The following ECM1 variants were observed in gnomAD, a reference collection of about 807,000 sequenced individuals.
The protein encoded by ECM1 is secretory component p85.
Under a neutral mutation model 57.9 loss-of-function variants are expected in ECM1, and 54 were observed. That is an observed-to-expected ratio of 0.93 (90% CI 0.75 to 1.17). ECM1 has a LOEUF of 1.17. Among genes scored for constraint, ECM1 ranks in the 50% most tolerant of loss-of-function variants. ECM1 has a pLI of 0.00. For missense variants in ECM1, 649 were observed against 688.1 expected (o/e 0.94, Z 0.64); for synonymous variants, 237 against 259.1 (o/e 0.91, Z 0.82).
chr1:150,509,262 C>T lies in ECM1; in HGVS notation c.71-269C>T, dbSNP rs11205386. The T allele has an allele frequency of 0.097, 53,743 of 553,420 alleles. 3,077 individuals are homozygous for T. The highest frequency in any genetic ancestry group is 0.12 in the Non-Finnish European group (35,608 of 305,888). The allele number at this position is 553,420 out of a possible 1,614,324, so 34.3% of individuals were successfully genotyped here. On this transcript the variant is annotated intron_variant, in intron 1 of 9. Transcript: ENST00000369047. ...AAATGAGGGCCTCCCTCCCCAATCC[C>T]GTATGCCATACTCCCTTTAGGCCCA...
Position 150,509,741 on chromosome 1 carries a change from C to A in ECM1, c.202C>A (p.Pro68Thr). Residue 68 changes from proline (P) to threonine (T), a missense_variant, in exon 3 of 10, where the codon CCC becomes ACC. Coordinates refer to ENST00000369047, the MANE Select transcript of ECM1 (RefSeq NM_004425.4). The part of the protein sequence containing the change: ...DHPDSSQHGP[P>T]FEGQSQVQPP... ...CCCTGACTCCTCTCAGCATGGCCCTCCCTTTGAGGGACAGAGTCAAGGTAA... is the reference window on the plus strand; with the variant it reads ...CCCTGACTCCTCTCAGCATGGCCCTACCTTTGAGGGACAGAGTCAAGGTAA... The A allele has an allele frequency of 6.2e-7, 1 of 1,612,926 alleles. No homozygotes were observed. Among genetic ancestry groups the A allele is most frequent in the Non-Finnish European group, 8.5e-7 (1 of 1,179,424 alleles).
chr1:150,508,857 G>A (rs1670350406), intron 1 of ECM1, among the ~76,000 whole-genome samples: 1 of 152,190 alleles, frequency 6.6e-6, no homozygotes, highest in Non-Finnish European at 1.5e-5. Flanking sequence ...GGAAGCTGCT[G>A]AGGATGTCAG....
At position 150,512,411 on chromosome 1, in the gene ECM1, C is replaced by G; in HGVS notation, c.1143C>G (p.His381Gln). 6.2e-7 allele frequency: 1 copy of G among 1,613,620 alleles called. No homozygotes were observed. The highest frequency in any genetic ancestry group is 8.5e-7 in the Non-Finnish European group (1 of 1,179,960). ...DREYAVKTHH[H>Q]LCCRHPPSPT... ...AGTATGCTGTGAAGACCCACCACCA[C>G]TTGTGTTGCCGCCACCCTCCCAGCC... Residue 381 changes from histidine to glutamine, a missense_variant, in exon 8 of 10, where the codon CAC becomes CAG. Physicochemically the swap from His to Gln is conservative, Grantham distance 24 (BLOSUM62 0). Coordinates refer to ENST00000369047, the MANE Select transcript of ECM1 (RefSeq NM_004425.4).
chr1:150,510,011 T>C lies in ECM1; in HGVS notation c.304+9T>C. 6.2e-7 allele frequency: 1 copy of C among 1,614,088 alleles called. No individual in the cohort carries two copies. Among genetic ancestry groups the C allele is most frequent in the Non-Finnish European group, 8.5e-7 (1 of 1,179,980 alleles). On this transcript the variant is annotated intron_variant, in intron 4 of 9. Coordinates refer to ENST00000369047, the MANE Select transcript of ECM1 (RefSeq NM_004425.4). ...CCCTGCTGAAAAGGAAGGTGAGCGC[T>C]TGCCCACCCTCCCTCACCTCTATCC...
intron 3 of ECM1, 75 bp from the exon 4 acceptor site, chr1:150,509,847 G>A (rs779659082): frequency 2.5e-6 from 4 of 1,613,696 alleles, no homozygotes; most frequent in Admixed American, 1.7e-5. Flanking sequence ...GGAAAGGAGG[G>A]AAGAGGCCCT....
chr1:150,510,485 C>T, intron 5 of ECM1: 1 of 563,690 alleles, frequency 1.8e-6, no homozygotes, highest in Non-Finnish European at 3.2e-6. Context: ...CCCAACATGG[C>T]TTTTGCTTAC....
Position 150,513,527 on chromosome 1 carries a change from A to G in ECM1, c.*60A>G, listed in dbSNP as rs1164829939. On this transcript the variant is annotated 3_prime_UTR_variant, in exon 10 of 10. Coordinates refer to ENST00000369047, the MANE Select transcript of ECM1 (RefSeq NM_004425.4). ...AACCCCACCCTGCCCCACCCATCTG[A>G]ACACTCATTACACTAAACACCTCTT... is the stretch of plus-strand genomic sequence containing the variant. The G allele has an allele frequency of 6.2e-6, 9 of 1,444,922 alleles. No homozygotes were observed. The highest frequency in any genetic ancestry group is 8.5e-6 in the Non-Finnish European group (9 of 1,055,106). 89.5% of individuals were successfully genotyped at this position (1,444,922 alleles called of 1,614,324 possible).
chr1:150,510,923 T>A lies in ECM1; in HGVS notation c.433T>A (p.Trp145Arg). ...CCAGAGCCATCCAGAACCTGAGTCCTGGAATGCAGCCCAGCACTGCCAACA... is the reference window on the plus strand; with the variant it reads ...CCAGAGCCATCCAGAACCTGAGTCCAGGAATGCAGCCCAGCACTGCCAACA... ...GDQSHPEPESWNAAQHCQQDR... is the reference protein window; with the variant it reads ...GDQSHPEPESRNAAQHCQQDR... Residue 145 changes from tryptophan (W) to arginine (R), a missense_variant, in exon 6 of 10, where the codon TGG becomes AGG. Physicochemically the swap from Trp to Arg is moderately radical, Grantham distance 101. Coordinates refer to ENST00000369047, the MANE Select transcript of ECM1 (RefSeq NM_004425.4). The A allele has an allele frequency of 4.3e-6, 7 of 1,614,174 alleles. No homozygotes were observed. The highest frequency in any genetic ancestry group is 5.9e-6 in the Non-Finnish European group (7 of 1,180,036).
chr1:150,512,348 A>G lies in ECM1; in HGVS notation c.1084-4A>G. The G allele has an allele frequency of 6.2e-7, 1 of 1,612,798 alleles. No homozygotes were observed. The highest frequency in any genetic ancestry group is 2.2e-5 in the East Asian group (1 of 44,828). Reference sequence around the variant, plus strand: ...CTTCTGACTTCCCTCTCTCTGGTCCACAGTGGGAGGATACCCTTGACAAAT... The same window carrying G: ...CTTCTGACTTCCCTCTCTCTGGTCCGCAGTGGGAGGATACCCTTGACAAAT... On this transcript the variant is annotated splice_region_variant and splice_polypyrimidine_tract_variant and intron_variant, in intron 7 of 9. Transcript: ENST00000369047.
rs1219767462 is a variant in ECM1, at chr1:150,511,478, T to C, written c.730T>C (p.Phe244Leu). The C allele has an allele frequency of 2.5e-6, 4 of 1,613,970 alleles. No homozygotes were observed. Among genetic ancestry groups the C allele is most frequent in the Non-Finnish European group, 2.5e-6 (3 of 1,179,996 alleles). Residue 244 changes from phenylalanine to leucine, a missense_variant, in exon 7 of 10, where the codon TTC becomes CTC. By Grantham distance (22) the Phe-to-Leu change is conservative (BLOSUM62 0). Coordinates refer to ENST00000369047, the MANE Select transcript of ECM1 (RefSeq NM_004425.4). ...KLVWEEAMSRFCEAEFSVKTR... is the reference protein window; with the variant it reads ...KLVWEEAMSRLCEAEFSVKTR... ...CTAGTGGGAGGAAGCAATGAGCCGA[T>C]TCTGTGAGGCCGAGTTCTCGGTCAA...
At position 150,513,519 on chromosome 1, in the gene ECM1, C is replaced by T; in HGVS notation, c.*52C>T. ...ATGGGGGGAACCCCACCCTGCCCCA[C>T]CCATCTGAACACTCATTACACTAAA... On this transcript the variant is annotated 3_prime_UTR_variant, in exon 10 of 10. Coordinates refer to ENST00000369047, the MANE Select transcript of ECM1 (RefSeq NM_004425.4). 1 of 1,506,656 alleles carries T rather than the reference C, an allele frequency of 6.6e-7. No individual in the cohort carries two copies. Among genetic ancestry groups the T allele is most frequent in the Non-Finnish European group, 9.1e-7 (1 of 1,100,412 alleles). The allele number at this position is 1,506,656 out of a possible 1,614,324, so 93.3% of individuals were successfully genotyped here. A position where few individuals can be genotyped will look rare whatever the true frequency, so the allele number is the denominator to read the frequency against.
rs774033903 is a variant in ECM1 at position 150,509,733 on chromosome 1, A to G, written c.194A>G (p.His65Arg). ...LPMDHPDSSQ[H>R]GPPFEGQSQV... Reference sequence around the variant, plus strand: ...ATGGATCACCCTGACTCCTCTCAGCATGGCCCTCCCTTTGAGGGACAGAGT... The same window carrying G: ...ATGGATCACCCTGACTCCTCTCAGCGTGGCCCTCCCTTTGAGGGACAGAGT... Residue 65 changes from histidine to arginine, a missense_variant, in exon 3 of 10, where the codon CAT (histidine) becomes CGT (arginine). Coordinates refer to ENST00000369047, the MANE Select transcript of ECM1 (RefSeq NM_004425.4). The G allele has an allele frequency of 1.3e-6, 2 of 1,593,354 alleles. No homozygotes were observed. Among genetic ancestry groups the G allele is most frequent in the Non-Finnish European group, 1.7e-6 (2 of 1,170,040 alleles).
intron 1 of ECM1, 151 bp from the exon 2 acceptor site, chr1:150,509,380 G>A (rs923369290): frequency 1.2e-6 from 1 of 808,560 alleles, no homozygotes; most frequent in African/African-American, 1.7e-5. Context: ...GCTGGGAGAG[G>A]ATTAGGGGAC....
intron 5 of ECM1, chr1:150,510,399 A>G: frequency 3.3e-6 from 2 of 610,918 alleles, no homozygotes; most frequent in South Asian, 4.0e-5. Flanking sequence ...AATAGCATCT[A>G]TTTTCACTTG....
Position 150,509,598 on chromosome 1 carries a change from G to A in ECM1, c.121+17G>A, listed in dbSNP as rs1161904755. ...TTCAAGAAGGTAAGAGTTTGGGGGA[G>A]CAGCATGGGATTGGGACTCCAGGAG... On this transcript the variant is annotated intron_variant, in intron 2 of 9. Coordinates refer to ENST00000369047, the MANE Select transcript of ECM1 (RefSeq NM_004425.4). 2 of 1,614,092 alleles carry A rather than the reference G, an allele frequency of 1.2e-6. No individual in the cohort carries two copies. Among genetic ancestry groups the A allele is most frequent in the East Asian group, 2.2e-5 (1 of 44,878 alleles).
Position 150,510,170 on chromosome 1 carries a change from G to A in ECM1, c.373G>A (p.Glu125Lys). 2.5e-6 allele frequency: 4 copies of A among 1,613,982 alleles called. No homozygotes were observed. Among genetic ancestry groups the A allele is most frequent in the Non-Finnish European group, 3.4e-6 (4 of 1,179,924 alleles). Residue 125 changes from glutamate to lysine, a missense_variant, in exon 5 of 10, where the codon GAA becomes AAA. By Grantham distance (56) the Glu-to-Lys change is moderately conservative. Transcript: ENST00000369047. Reference protein sequence around the residue: ...KELPSLQHPNEQKEGTPAPFG... With the variant: ...KELPSLQHPNKQKEGTPAPFG... Reference sequence around the variant, plus strand: ...GCTGCCCTCTCTCCAGCACCCCAATGAACAGAAGGAAGGTAAGCAGCTCCC... The same window carrying A: ...GCTGCCCTCTCTCCAGCACCCCAATAAACAGAAGGAAGGTAAGCAGCTCCC...
chr1:150,510,315 C>T, intron 5 of ECM1, 133 bp downstream of exon 5: 1 of 827,308 alleles, frequency 1.2e-6, no homozygotes, highest in Non-Finnish European at 2.0e-6. Context: ...ACATACTTCT[C>T]CAAGCCTTTG....
chr1:150,512,207 TA>T, intron 7 of ECM1, 144 bp from the exon 8 acceptor site: 1 of 914,368 alleles, frequency 1.1e-6, no homozygotes. Flanking sequence ...AGTTGCCTCC[TA>T]ACCCTCTACT....
At chr1:150,512,015 G>A (rs587600939) in intron 7 of ECM1, among the ~76,000 whole-genome samples, 184 bp downstream of exon 7, 21 of 151,298 alleles carry the variant, frequency 1.4e-4, no homozygotes, top group East Asian at 1.2e-3. Flanking sequence ...CTTGAGCTTC[G>A]TACTACACTT....
Sources: gnomAD v4.1 joint callset for allele counts (sites outside exome capture counted in the v4.1 genomes callset) on GRCh38, gnomAD v4.1.1 for gene constraint, MANE v1.5 for transcripts, NCBI Gene and HGNC (gene_info 2026-07-23, HGNC 2026-07-21) for gene names.